Variants in TMEM233 observed in about 807,000 individuals in gnomAD.
The protein encoded by TMEM233 is transmembrane protein 233, also known as dispanin subfamily B member 2.
TMEM233 carries 6 observed loss-of-function variants against 11.2 expected under a neutral mutation model. That is an observed-to-expected ratio of 0.54 (90% CI 0.29 to 1.06). The LOEUF (loss-of-function observed/expected upper bound fraction) is 1.06, where lower values mean the gene tolerates loss of function less well. Ranked by LOEUF, TMEM233 falls within the 50% of genes least tolerant of loss-of-function variation. TMEM233 has a pLI of 0.08. For synonymous variants in TMEM233, 59 were observed against 55.8 expected, an observed-to-expected ratio of 1.06 and a Z score of -0.26; for missense variants, 127 against 144.7, an observed-to-expected ratio of 0.88 and a Z score of 0.63.
At chr12:119,633,275 T>C (rs1284817697) in intron 2 of TMEM233, among the ~76,000 whole-genome samples, 1 of 152,164 alleles carries the variant, frequency 6.6e-6, no homozygotes, top group Non-Finnish European at 1.5e-5. Context: ...TAGATGCCTT[T>C]CCCTCTGTTA....
chr12:119,613,695 G>A (rs1954459637), intron 1 of TMEM233, among the ~76,000 whole-genome samples: 1 of 152,108 alleles, frequency 6.6e-6, no homozygotes, highest in Non-Finnish European at 1.5e-5. Context: ...TGCACCTGTG[G>A]TCCCAGCTAC....
chr12:119,612,530 C>T (rs1015441291), intron 1 of TMEM233, among the ~76,000 whole-genome samples: 4 of 152,130 alleles, frequency 2.6e-5, no homozygotes, highest in East Asian at 3.9e-4. Flanking sequence ...AGGCGGATCA[C>T]GAGGTCAGGA....
intron 1 of TMEM233, among the ~76,000 whole-genome samples, chr12:119,598,952 C>T (rs1009292107): frequency 3.9e-5 from 6 of 152,118 alleles, no homozygotes; most frequent in African/African-American, 1.4e-4. Context: ...TGATGGAAGA[C>T]GTGTCTGTTC....
At chr12:119,628,644 C>T (rs529820808) in intron 1 of TMEM233, among the ~76,000 whole-genome samples, 10 of 151,958 alleles carry the variant, frequency 6.6e-5, no homozygotes, top group African/African-American at 2.2e-4. Flanking sequence ...GGACTATAGG[C>T]GCCCGCCACC....
intron 1 of TMEM233, among the ~76,000 whole-genome samples, chr12:119,610,422 G>T (rs1954370631): frequency 6.6e-6 from 1 of 152,148 alleles, no homozygotes; most frequent in South Asian, 2.1e-4. Flanking sequence ...GTCTTGAAAT[G>T]TGAGGACATG....
downstream of TMEM233, among the ~76,000 whole-genome samples, chr12:119,644,731 G>A (rs563630858): frequency 1.8e-4 from 28 of 152,028 alleles, no homozygotes; most frequent in South Asian, 3.1e-3. Context: ...CACCCACCTC[G>A]GCCTCCCAAA....
At chr12:119,610,357 T>C (rs1369463942) in intron 1 of TMEM233, among the ~76,000 whole-genome samples, 1 of 152,090 alleles carries the variant, frequency 6.6e-6, no homozygotes, top group Non-Finnish European at 1.5e-5. Context: ...GACTTTGAGG[T>C]TAATGCTGGA....
At chr12:119,612,502 A>G (rs530832307) in intron 1 of TMEM233, among the ~76,000 whole-genome samples, 1 of 152,244 alleles carries the variant, frequency 6.6e-6, no homozygotes, top group South Asian at 2.1e-4. Flanking sequence ...TAATCCCAGG[A>G]CTTTGGGAGG....
In TMEM233 at chr12:119,593,956, C is replaced by G; in HGVS notation, c.108C>G (p.Asn36Lys). Residue 36 changes from asparagine to lysine, a missense_variant, in exon 1 of 3, where the codon AAC becomes AAG. By Grantham distance (94) the Asn-to-Lys change is moderately conservative. Coordinates refer to ENST00000426426, the MANE Select transcript of TMEM233 (RefSeq NM_001136534.3). This position sits in a 1 kb window ranked among gnomAD's most constrained non-coding sequence, Gnocchi z 4.1. ...AGGAGGACGTGCCCATGCCCAAGAA[C>G]TACCTGTGGCTCACCATCGTCTCGT... The part of the protein sequence containing the change: ...KTEEDVPMPK[N>K]YLWLTIVSCF... The G allele has an allele frequency of 5.8e-6, 9 of 1,551,766 alleles. No homozygotes were observed. Among genetic ancestry groups the G allele is most frequent in the Non-Finnish European group, 7.8e-6 (9 of 1,146,986 alleles).
intron 1 of TMEM233, among the ~76,000 whole-genome samples, chr12:119,619,094 G>A (rs570679317): frequency 5.3e-5 from 8 of 152,242 alleles, no homozygotes; most frequent in Admixed American, 1.3e-4. Flanking sequence ...CACAAGATCC[G>A]ATGGTTTTAT....
At chr12:119,629,439 C>T (rs1008969114) in intron 1 of TMEM233, among the ~76,000 whole-genome samples, 7 of 152,020 alleles carry the variant, frequency 4.6e-5, no homozygotes, top group Non-Finnish European at 7.4e-5. Context: ...AAAAGACAGA[C>T]GATGACCCCT....
At chr12:119,610,669 G>C (rs1954377497) in intron 1 of TMEM233, among the ~76,000 whole-genome samples, 1 of 152,154 alleles carries the variant, frequency 6.6e-6, no homozygotes, top group South Asian at 2.1e-4. Context: ...TCTCTCTCCT[G>C]CTGTCCTGTA....
intron 1 of TMEM233, among the ~76,000 whole-genome samples, chr12:119,608,934 T>A (rs1220804864): frequency 6.6e-6 from 1 of 151,868 alleles, no homozygotes; most frequent in Non-Finnish European, 1.5e-5. Context: ...GAGAATGAAT[T>A]AATAGAGTAA....
chr12:119,605,668 A>G (rs917441882), intron 1 of TMEM233, among the ~76,000 whole-genome samples: 2 of 151,930 alleles, frequency 1.3e-5, no homozygotes, highest in Non-Finnish European at 2.9e-5. Context: ...TGCTCAAGGG[A>G]TCTACCCCCC....
chr12:119,613,535 T>C (rs1332645728), intron 1 of TMEM233, among the ~76,000 whole-genome samples: 2 of 152,298 alleles, frequency 1.3e-5, no homozygotes, highest in African/African-American at 4.8e-5. Context: ...GGGACCTGGC[T>C]GAGTACAGTG....
At chr12:119,634,913 A>G (rs187787260) in intron 2 of TMEM233, among the ~76,000 whole-genome samples, 1 of 152,316 alleles carries the variant, frequency 6.6e-6, no homozygotes, top group East Asian at 1.9e-4. Flanking sequence ...GGGTTTCATG[A>G]CATCAAATTC....
chr12:119,608,852 C>T (rs1440136299), intron 1 of TMEM233, among the ~76,000 whole-genome samples: 2 of 152,180 alleles, frequency 1.3e-5, no homozygotes, highest in African/African-American at 4.8e-5. Context: ...TGAATACCTG[C>T]TATATGCCAA....
chr12:119,613,255 C>T (rs113195055), intron 1 of TMEM233, among the ~76,000 whole-genome samples: 19 of 149,764 alleles, frequency 1.3e-4, no homozygotes, highest in African/African-American at 4.7e-4. Flanking sequence ...AAAATGAAAA[C>T]CTAGCTGTAT....
chr12:119,642,798 CAAAAA>C lies in TMEM233; in HGVS notation c.*2103_*2107del, dbSNP rs9331424. 2 of 149,048 alleles carry C rather than the reference CAAAAA, an allele frequency of 1.3e-5. No homozygotes were observed. The highest frequency in any genetic ancestry group is 4.9e-5 in the African/African-American group (2 of 40,564). 9.2% of individuals were successfully genotyped at this position (149,048 alleles called of 1,614,324 possible). A position where few individuals can be genotyped will look rare whatever the true frequency, so the allele number is the denominator to read the frequency against. On this transcript the variant is annotated 3_prime_UTR_variant, in exon 3 of 3. Coordinates refer to ENST00000426426, the MANE Select transcript of TMEM233 (RefSeq NM_001136534.3). ...CATTTTTTCATATACTGAACCCTAG[CAAAAA>C]AAAAAAAAATTCTGATGAACATCAG...
Sources: gnomAD v4.1 joint callset for allele counts (sites outside exome capture counted in the v4.1 genomes callset) on GRCh38, gnomAD v4.1.1 for gene constraint, Gnocchi (gnomAD v3.1) non-coding constraint, MANE v1.5 for transcripts, NCBI Gene and HGNC (gene_info 2026-07-23, HGNC 2026-07-21) for gene names.